The following JARID2 variants were observed in gnomAD, a reference collection of about 807,000 sequenced individuals.
JARID2 encodes the protein jumonji and AT-rich interaction domain containing 2.
In JARID2, 21 loss-of-function variants were observed where a neutral mutation model predicts 125.6. That is an observed-to-expected ratio of 0.17 (90% CI 0.12 to 0.24). The LOEUF is 0.24. Ranked by LOEUF, JARID2 falls within the 10% of genes least tolerant of loss-of-function variation. The probability of loss-of-function intolerance (pLI) is 1.00; values close to 1 mark genes in which losing one functional copy is unlikely to be tolerated. For missense variants in JARID2, 1,303 were observed against 1,639.6 expected (o/e 0.79, Z 3.55); for synonymous variants, 736 against 661.6 (o/e 1.11, Z -1.73).
intron 1 of JARID2, among the ~76,000 whole-genome samples, chr6:15,324,651 G>GT (rs1199393638): frequency 0.025 from 3,551 of 144,490 alleles, 145 homozygotes; most frequent in African/African-American, 0.082. Context: ...TGATTTTTGT[G>GT]TTTTTTTTTT....
chr6:15,389,561 C>T (rs1187059401), intron 2 of JARID2, among the ~76,000 whole-genome samples: 1 of 152,226 alleles, frequency 6.6e-6, no homozygotes, highest in East Asian at 1.9e-4. Flanking sequence ...CATGAGATGA[C>T]TTTGTTCCTA....
intron 1 of JARID2, among the ~76,000 whole-genome samples, chr6:15,270,881 C>T (rs1057223773): frequency 6.6e-6 from 1 of 151,800 alleles, no homozygotes; most frequent in Non-Finnish European, 1.5e-5. Context: ...GCAGAGCTTG[C>T]AGTGAGCGGA....
At chr6:15,368,740 A>G (rs1205281680) in intron 1 of JARID2, 1 of 489,782 alleles carries the variant, frequency 2.0e-6, no homozygotes. Context: ...GGGTATATTT[A>G]TATAGACATC....
chr6:15,493,217 G>C (rs1449321642), intron 6 of JARID2, among the ~76,000 whole-genome samples: 2 of 152,116 alleles, frequency 1.3e-5, no homozygotes, highest in Non-Finnish European at 2.9e-5. Flanking sequence ...GGGAAGGGTA[G>C]GGTCCACGGA....
chr6:15,270,745 T>C (rs911858006), intron 1 of JARID2, among the ~76,000 whole-genome samples: 3 of 152,108 alleles, frequency 2.0e-5, no homozygotes, highest in African/African-American at 7.2e-5. Flanking sequence ...CCTAGGAGTT[T>C]GAAACTAGCC....
chr6:15,496,792 G>C lies in JARID2; in HGVS notation c.1567G>C (p.Glu523Gln). ...TGGCAAGGCGGACAGCGCCTCCTGT[G>C]AAAATCGTTCTACCTCGCAACCGGA... The part of the protein sequence containing the change: ...AHGKADSASC[E>Q]NRSTSQPESV... The change falls in exon 7 of 18, where the codon GAA becomes CAA. Residue 523 changes from glutamate to glutamine, a missense_variant. Glu to Gln is a conservative substitution (Grantham distance 29, BLOSUM62 2). Transcript: ENST00000341776. 6 of 1,611,086 alleles carry C rather than the reference G, an allele frequency of 3.7e-6. No homozygotes were observed. The highest frequency in any genetic ancestry group is 5.1e-6 in the Non-Finnish European group (6 of 1,178,552).
chr6:15,339,354 C>G (rs376416507), intron 1 of JARID2, among the ~76,000 whole-genome samples: 1 of 151,980 alleles, frequency 6.6e-6, no homozygotes, highest in Admixed American at 6.6e-5. Context: ...TCAGGCAGCC[C>G]CTGATATCAG....
At chr6:15,340,356 G>A (rs1456704227) in intron 1 of JARID2, among the ~76,000 whole-genome samples, 1 of 152,192 alleles carries the variant, frequency 6.6e-6, no homozygotes, top group Non-Finnish European at 1.5e-5. Flanking sequence ...TTCTGAGCCT[G>A]ATTCTCAATC....
At chr6:15,371,871 C>CT (rs1196077886) in intron 1 of JARID2, among the ~76,000 whole-genome samples, 2 of 152,192 alleles carry the variant, frequency 1.3e-5, no homozygotes, top group African/African-American at 4.8e-5. Context: ...GACAGGAAGA[C>CT]TGGATGTACC....
intron 1 of JARID2, among the ~76,000 whole-genome samples, chr6:15,320,846 C>CTGTG (rs1302118188): frequency 2.9e-4 from 39 of 133,614 alleles, no homozygotes; most frequent in African/African-American, 1.1e-3. Flanking sequence ...CATTCTCTCT[C>CTGTG]TCTCTCTGTG....
chr6:15,249,062 C>A, intron 1 of JARID2: 1 of 559,124 alleles, frequency 1.8e-6, no homozygotes, highest in Non-Finnish European at 2.3e-6. Flanking sequence ...CGCCTCCTTT[C>A]TGCAGGAATG....
At chr6:15,513,687 G>C (rs1771393515) in intron 16 of JARID2, among the ~76,000 whole-genome samples, 1 of 152,210 alleles carries the variant, frequency 6.6e-6, no homozygotes, top group Non-Finnish European at 1.5e-5. Context: ...TTCCTCCCTG[G>C]GGAGCAGGTG....
chr6:15,261,784 A>G (rs1191407301), intron 1 of JARID2, among the ~76,000 whole-genome samples: 1 of 134,848 alleles, frequency 7.4e-6, no homozygotes, highest in Non-Finnish European at 1.6e-5. Flanking sequence ...AAATTCAGGG[A>G]TTTTTTTTTT....
intron 6 of JARID2, among the ~76,000 whole-genome samples, chr6:15,488,811 G>T (rs1770007063): frequency 6.6e-6 from 1 of 152,124 alleles, no homozygotes; most frequent in Non-Finnish European, 1.5e-5. Flanking sequence ...CACACACCTA[G>T]CACATATTAA....
At chr6:15,255,999 C>G (rs921016062) in intron 1 of JARID2, among the ~76,000 whole-genome samples, 2 of 152,180 alleles carry the variant, frequency 1.3e-5, no homozygotes, top group Non-Finnish European at 2.9e-5. Context: ...GCAGGCTATA[C>G]AACCTCGCTG....
rs976181988 is a variant in JARID2, at chr6:15,362,620, C to T, written c.46-11497C>T. On this transcript the variant is annotated intron_variant, in intron 1 of 17. Coordinates refer to ENST00000341776, the MANE Select transcript of JARID2 (RefSeq NM_004973.4). ...AAGGGAAGTTAGGCTGATGATAGGT[C>T]TTTATGGGCTCTGCAAGGAAATTTG... 3.9e-5 allele frequency among the ~76,000 whole-genome samples: 6 copies of T among 152,082 alleles called. 1 individual carries two copies. The highest frequency in any genetic ancestry group is 6.6e-5 in the Admixed American group (1 of 15,248).
intron 3 of JARID2, among the ~76,000 whole-genome samples, chr6:15,444,032 T>G (rs1767558226): frequency 6.6e-6 from 1 of 152,208 alleles, no homozygotes; most frequent in African/African-American, 2.4e-5. Flanking sequence ...CTGCAAATAT[T>G]TAATATCCTG....
intron 1 of JARID2, among the ~76,000 whole-genome samples, chr6:15,294,649 T>G (rs1761342348): frequency 6.6e-6 from 1 of 152,134 alleles, no homozygotes; most frequent in Admixed American, 6.6e-5. Context: ...GTGGGGAGGT[T>G]GATGCAGGAC....
intron 1 of JARID2, among the ~76,000 whole-genome samples, chr6:15,340,505 C>T (rs534389005): frequency 2.8e-4 from 42 of 152,294 alleles, no homozygotes; most frequent in African/African-American, 9.1e-4. Context: ...ATATGCCAAC[C>T]TTCAGGTTTA....
Sources: allele counts gnomAD v4.1 joint callset (sites outside exome capture counted in the v4.1 genomes callset), GRCh38; gene constraint gnomAD v4.1.1; transcripts MANE v1.5; gene names NCBI Gene and HGNC (gene_info 2026-07-23, HGNC 2026-07-21).